The following DCLK1 variants were observed in gnomAD, a reference collection of about 807,000 sequenced individuals.
The protein encoded by DCLK1 is doublecortin like kinase 1, also known as serine/threonine-protein kinase DCLK1.
DCLK1 carries 16 observed loss-of-function variants against 86.2 expected under a neutral mutation model. The observed-to-expected ratio is 0.19, with a 90% CI of 0.13 to 0.28. The LOEUF is 0.28. Among genes scored for constraint, DCLK1 ranks in the 10% least tolerant of loss-of-function variants. The probability of loss-of-function intolerance (pLI) is 1.00; values close to 1 mark genes in which losing one functional copy is unlikely to be tolerated. For missense variants in DCLK1, 590 were observed against 940.2 expected, an observed-to-expected ratio of 0.63 and a Z score of 4.87; for synonymous variants, 369 against 370.5, an observed-to-expected ratio of 1.00 and a Z score of 0.05.
chr13:36,001,422 T>G (rs900161175), intron 3 of DCLK1, among the ~76,000 whole-genome samples: 1 of 152,200 alleles, frequency 6.6e-6, no homozygotes, highest in Non-Finnish European at 1.5e-5. Context: ...CTGGTTTGTG[T>G]GACCTCATGC....
chr13:35,948,130 C>T (rs1432325364), intron 3 of DCLK1, among the ~76,000 whole-genome samples: 4 of 152,192 alleles, frequency 2.6e-5, no homozygotes, highest in Non-Finnish European at 4.4e-5. Flanking sequence ...TCGACTTACT[C>T]TCCAATGAGA....
chr13:35,892,434 T>C (rs1873703891), intron 4 of DCLK1, among the ~76,000 whole-genome samples: 1 of 151,974 alleles, frequency 6.6e-6, no homozygotes, highest in African/African-American at 2.4e-5. Context: ...CAAAAGTCTG[T>C]AATTTAATTT....
intron 3 of DCLK1, among the ~76,000 whole-genome samples, chr13:36,049,629 G>C (rs1361908752): frequency 6.6e-6 from 1 of 151,826 alleles, no homozygotes; most frequent in East Asian, 1.9e-4. Context: ...ATGATCTTTT[G>C]TTAAATGTCT....
At chr13:35,950,800 C>T (rs1224340431) in intron 3 of DCLK1, among the ~76,000 whole-genome samples, 2 of 152,112 alleles carry the variant, frequency 1.3e-5, no homozygotes, top group African/African-American at 2.4e-5. Flanking sequence ...CCTGTACCTC[C>T]CAGGAGAGTT....
At chr13:35,912,393 A>G (rs1200599030) in intron 4 of DCLK1, among the ~76,000 whole-genome samples, 4 of 152,088 alleles carry the variant, frequency 2.6e-5, no homozygotes. Flanking sequence ...CTTTTTCAAA[A>G]CTACCTATGG....
chr13:35,867,838 C>T (rs945044279), intron 5 of DCLK1, among the ~76,000 whole-genome samples: 2 of 101,148 alleles, frequency 2.0e-5, no homozygotes, highest in East Asian at 6.0e-4. Context: ...TCTTTATTGA[C>T]TTAAAGGGAG....
intron 3 of DCLK1, among the ~76,000 whole-genome samples, chr13:36,075,192 T>A (rs1489173506): frequency 6.6e-6 from 1 of 152,236 alleles, no homozygotes; most frequent in Non-Finnish European, 1.5e-5. Context: ...AGGTGAAGAA[T>A]ATTTTCAGAA....
chr13:35,936,962 C>CATTTTTTTTTTTTTTTTTT (rs1876786023), intron 4 of DCLK1, among the ~76,000 whole-genome samples: 1 of 65,712 alleles, frequency 1.5e-5, no homozygotes, highest in Non-Finnish European at 3.0e-5. Flanking sequence ...GAAAAGTTAG[C>CATTTTTTTTTTTTTTTTTT]TTTTTTTTTT....
chr13:35,901,866 C>G (rs1874387397), intron 4 of DCLK1, among the ~76,000 whole-genome samples: 1 of 151,792 alleles, frequency 6.6e-6, no homozygotes, highest in Non-Finnish European at 1.5e-5. Context: ...ATGATCAAAG[C>G]CTTGCTTTAT....
chr13:36,086,641 C>G (rs939509907), intron 3 of DCLK1, among the ~76,000 whole-genome samples: 1 of 151,944 alleles, frequency 6.6e-6, no homozygotes, highest in East Asian at 1.9e-4. Flanking sequence ...CCCTAAAAGG[C>G]CCTGGTGTGT....
chr13:36,022,915 T>C (rs1036853197), intron 3 of DCLK1, among the ~76,000 whole-genome samples: 10 of 152,316 alleles, frequency 6.6e-5, no homozygotes, highest in Non-Finnish European at 2.9e-5. Context: ...AGTATTATCC[T>C]GGTACCAAAG....
chr13:35,955,527 T>A (rs1440971883), intron 3 of DCLK1, among the ~76,000 whole-genome samples: 1 of 152,108 alleles, frequency 6.6e-6, no homozygotes, highest in Non-Finnish European at 1.5e-5. Flanking sequence ...CCTAATACTA[T>A]CGCCTTGGAG....
intron 6 of DCLK1, among the ~76,000 whole-genome samples, chr13:35,843,267 T>A (rs1352254120): frequency 1.3e-5 from 2 of 152,184 alleles, no homozygotes; most frequent in African/African-American, 2.4e-5. Context: ...GGCAATTAGC[T>A]GCTCTGAGAG....
At chr13:36,113,366 A>G (rs1243211170) in intron 2 of DCLK1, among the ~76,000 whole-genome samples, 1 of 152,240 alleles carries the variant, frequency 6.6e-6, no homozygotes, top group Non-Finnish European at 1.5e-5. Flanking sequence ...TAATGTGTAT[A>G]CATACACATT....
chr13:35,890,173 C>T (rs1355233248), intron 4 of DCLK1, among the ~76,000 whole-genome samples: 1 of 152,030 alleles, frequency 6.6e-6, no homozygotes, highest in African/African-American at 2.4e-5. Flanking sequence ...AGTAAAAACT[C>T]TCTCTCCCCC....
intron 6 of DCLK1, among the ~76,000 whole-genome samples, chr13:35,851,866 A>G (rs1442291539): frequency 6.6e-6 from 1 of 152,234 alleles, no homozygotes; most frequent in Non-Finnish European, 1.5e-5. Flanking sequence ...TGTAATTAAT[A>G]TAAGTAAAAA....
At chr13:36,037,248 AG>A (rs1026495378) in intron 3 of DCLK1, among the ~76,000 whole-genome samples, 16 of 152,176 alleles carry the variant, frequency 1.1e-4, no homozygotes, top group Admixed American at 9.8e-4. Context: ...CAGAAAGGGT[AG>A]GGGTTGAGGA....
Position 35,854,387 on chromosome 13 carries a change from T to G in DCLK1, c.1035+112A>C, listed in dbSNP as rs952660512. The G allele has an allele frequency of 1.5e-5, 11 of 746,872 alleles. No homozygotes were observed. In the African/African-American group the frequency reaches 2.0e-4, roughly 13 times the overall value. 46.3% of individuals were successfully genotyped at this position (746,872 alleles called of 1,614,324 possible). A position where few individuals can be genotyped will look rare whatever the true frequency, so the allele number is the denominator to read the frequency against. ...AAGCAACCCCTCATTGGTCACCTCC[T>G]GTTCTAGCTTAGATATCGCCTAGAG... On this transcript the variant is annotated intron_variant, in intron 6 of 16. Coordinates refer to ENST00000360631, the MANE Select transcript of DCLK1 (RefSeq NM_001330071.2).
At chr13:36,013,948 C>T (rs1224351254) in intron 3 of DCLK1, among the ~76,000 whole-genome samples, 2 of 152,174 alleles carry the variant, frequency 1.3e-5, no homozygotes, top group East Asian at 1.9e-4. Context: ...TTTTTTAAGC[C>T]GGTCTGAAAA....
Sources: allele counts gnomAD v4.1 joint callset (sites outside exome capture counted in the v4.1 genomes callset), GRCh38; gene constraint gnomAD v4.1.1; transcripts MANE v1.5; gene names NCBI Gene and HGNC (gene_info 2026-07-23, HGNC 2026-07-21).